JADE3: variants seen among roughly 807,000 people sequenced by gnomAD.
JADE3 encodes the protein jade family PHD finger 3.
Under a neutral mutation model 50.1 loss-of-function variants are expected in JADE3, and 2 were observed. The observed-to-expected ratio is 0.04, with a 90% CI of 0.02 to 0.13. The LOEUF (loss-of-function observed/expected upper bound fraction) is 0.13. Among genes scored for constraint, JADE3 ranks in the 10% least tolerant of loss-of-function variants. JADE3 has a pLI of 1.00. For missense variants in JADE3, 475 were observed against 634.4 expected, an observed-to-expected ratio of 0.75 and a Z score of 2.70; for synonymous variants, 218 against 232.9, an observed-to-expected ratio of 0.94 and a Z score of 0.58.
chrX:46,917,860 T>TCC, intron 1 of JADE3, among the ~76,000 whole-genome samples: 1 of 50,893 alleles, frequency 2.0e-5, no homozygotes, highest in Non-Finnish European at 3.7e-5. Flanking sequence ...TCTCTCATCC[T>TCC]CTCTCTCTCT....
intron 3 of JADE3, among the ~76,000 whole-genome samples, chrX:46,988,862 C>T (rs781787880): frequency 1.3e-4 from 14 of 111,998 alleles, no homozygotes; most frequent in African/African-American, 2.3e-4. Flanking sequence ...TATTTTGAGA[C>T]GGAGTCTCGC....
intron 1 of JADE3, among the ~76,000 whole-genome samples, chrX:46,939,686 G>T (rs1338599362): frequency 8.9e-6 from 1 of 111,865 alleles, no homozygotes; most frequent in Non-Finnish European, 1.9e-5. Flanking sequence ...TAGGTTTATG[G>T]TGAGATACTG....
At chrX:46,912,743 C>G (rs1556335397) in intron 1 of JADE3, 24 bp downstream of exon 1, 1 of 111,836 alleles carries the variant, frequency 8.9e-6, no homozygotes. Flanking sequence ...AGGCCGGACC[C>G]GGCGCGGGCG....
intron 1 of JADE3, among the ~76,000 whole-genome samples, chrX:46,978,964 C>A (rs1196776619): frequency 8.9e-6 from 1 of 112,359 alleles, no homozygotes; most frequent in African/African-American, 3.2e-5. Flanking sequence ...TGTTTTCTGT[C>A]ATTTTCCTAC....
intron 1 of JADE3, among the ~76,000 whole-genome samples, chrX:46,969,667 T>G (rs1025029699): frequency 9.0e-6 from 1 of 111,478 alleles, no homozygotes; most frequent in African/African-American, 3.3e-5. Flanking sequence ...CGAAACCCTG[T>G]CTCTACTTAA....
intron 4 of JADE3, among the ~76,000 whole-genome samples, chrX:47,013,357 G>A (rs1556362179): frequency 9.0e-6 from 1 of 111,253 alleles, no homozygotes; most frequent in Non-Finnish European, 1.9e-5. Context: ...CTACCAAAGT[G>A]ACTTAAAATT....
chrX:47,009,031 G>A, intron 4 of JADE3, among the ~76,000 whole-genome samples: 1 of 110,688 alleles, frequency 9.0e-6, no homozygotes, highest in Non-Finnish European at 1.9e-5. Flanking sequence ...GTAAGAAAAT[G>A]TGATAGTGGG....
intron 7 of JADE3, among the ~76,000 whole-genome samples, chrX:47,038,365 A>G (rs1929179077): frequency 9.0e-6 from 1 of 110,715 alleles, no homozygotes. Flanking sequence ...TTTTTTTTAG[A>G]ATCCTCCAAA....
In JADE3 at chrX:46,975,714, C is replaced by CTTT. The variant is rs782578317; in HGVS notation, c.-11-9149_-11-9147dup. ...TTATTTTTCTTTCTTTTTTCTTTTTCTTTTTTTTTTTTTTTTTTTTTTTGG... is the reference window on the plus strand; with the variant it reads ...TTATTTTTCTTTCTTTTTTCTTTTTCTTTTTTTTTTTTTTTTTTTTTTTTTTGG... On this transcript the variant is annotated intron_variant, in intron 1 of 10. Coordinates refer to ENST00000614628, the MANE Select transcript of JADE3 (RefSeq NM_014735.5). 9.2e-3 allele frequency among the ~76,000 whole-genome samples: 370 copies of CTTT among 40,410 alleles called. 6 individuals carry two copies. Among genetic ancestry groups the CTTT allele is most frequent in the East Asian group, 0.017 (18 of 1,039 alleles). The allele number at this position is 40,410 out of a possible 115,157, so 35.1% of individuals were successfully genotyped here. A position where few individuals can be genotyped will look rare whatever the true frequency, so the allele number is the denominator to read the frequency against.
At chrX:47,018,629 C>T (rs1034242426) in intron 4 of JADE3, among the ~76,000 whole-genome samples, 5 of 112,069 alleles carry the variant, frequency 4.5e-5, no homozygotes, top group Admixed American at 1.9e-4. Context: ...CCGCCGCGCC[C>T]GGCCCAGAGC....
At chrX:46,949,658 G>T (rs1484928841) in intron 1 of JADE3, among the ~76,000 whole-genome samples, 1 of 111,437 alleles carries the variant, frequency 9.0e-6, no homozygotes, top group East Asian at 2.8e-4. Flanking sequence ...TACCCACATA[G>T]CCCACACCCT....
At chrX:47,008,052 A>G (rs1429281564) in intron 4 of JADE3, among the ~76,000 whole-genome samples, 3 of 111,609 alleles carry the variant, frequency 2.7e-5, no homozygotes, top group Non-Finnish European at 3.8e-5. Flanking sequence ...TCTACCAAAC[A>G]TTGAAAGAAA....
chrX:46,997,899 G>A (rs1556357800), intron 3 of JADE3, among the ~76,000 whole-genome samples: 1 of 111,833 alleles, frequency 8.9e-6, no homozygotes, highest in Non-Finnish European at 1.9e-5. Context: ...AAATAATTCA[G>A]GAAGGACTGC....
chrX:47,010,824 C>T (rs890103579), intron 4 of JADE3, among the ~76,000 whole-genome samples: 1 of 111,264 alleles, frequency 9.0e-6, no homozygotes, highest in Non-Finnish European at 1.9e-5. Context: ...CTCTCTCCCT[C>T]TCTTTCTCTC....
intron 1 of JADE3, among the ~76,000 whole-genome samples, chrX:46,920,361 T>G (rs1405314580): frequency 1.8e-5 from 2 of 112,784 alleles, no homozygotes; most frequent in Admixed American, 9.3e-5. Context: ...GGTCTTGCTT[T>G]TAGTGGATTC....
intron 8 of JADE3, among the ~76,000 whole-genome samples, chrX:47,050,278 T>A (rs1929475932): frequency 8.9e-6 from 1 of 111,863 alleles, no homozygotes; most frequent in South Asian, 3.7e-4. Flanking sequence ...CACATTGTAG[T>A]TGTACATATT....
At chrX:46,926,077 A>ATTTTATTTTATTTT (rs1569534084) in intron 1 of JADE3, among the ~76,000 whole-genome samples, 3 of 100,497 alleles carry the variant, frequency 3.0e-5, no homozygotes, top group African/African-American at 1.1e-4. Context: ...ATTTTATTTT[A>ATTTTATTTTATTTT]AGAGATGGGA....
intron 1 of JADE3, among the ~76,000 whole-genome samples, chrX:46,917,834 C>CTTTCTCT (rs1556336773): frequency 2.4e-5 from 1 of 42,545 alleles, no homozygotes; most frequent in Non-Finnish European, 4.2e-5. Flanking sequence ...TCTCTCTCAT[C>CTTTCTCT]CTCTCTCTCT....
At chrX:47,024,649 C>A in intron 4 of JADE3, 75 bp from the exon 5 acceptor site, 1 of 607,355 alleles carries the variant, frequency 1.6e-6, no homozygotes, top group Non-Finnish European at 2.6e-6. Flanking sequence ...TCCCAGAGGG[C>A]ATTTAGCCAT....
Sources: allele counts gnomAD v4.1 joint callset (sites outside exome capture counted in the v4.1 genomes callset), GRCh38; gene constraint gnomAD v4.1.1; transcripts MANE v1.5; gene names NCBI Gene and HGNC (gene_info 2026-07-23, HGNC 2026-07-21).